The following RNF169 variants were observed in gnomAD, a reference collection of about 807,000 sequenced individuals.
RNF169 encodes ring finger protein 169, also known as E3 ubiquitin-protein ligase RNF169.
In RNF169, 24 loss-of-function variants were observed where a neutral mutation model predicts 53.9. That is an observed-to-expected ratio of 0.45 (90% confidence interval 0.32 to 0.63). RNF169 has a LOEUF of 0.63. Among genes scored for constraint, RNF169 ranks in the 20% least tolerant of loss-of-function variants. The probability of loss-of-function intolerance (pLI) is 0.04; values close to 1 mark genes in which losing one functional copy is unlikely to be tolerated. For synonymous variants in RNF169, 396 were observed against 363.5 expected, an observed-to-expected ratio of 1.09 and a Z score of -1.02; for missense variants, 883 against 906.2, an observed-to-expected ratio of 0.97 and a Z score of 0.33.
chr11:74,830,864 C>CA (rs1480808542), intron 4 of RNF169: 3 of 152,020 alleles, frequency 2.0e-5, no homozygotes, highest in African/African-American at 7.3e-5. Flanking sequence ...AAAGGTGTTT[C>CA]AGCATACGAA....
intron 1 of RNF169, among the ~76,000 whole-genome samples, chr11:74,782,665 T>C (rs944589285): frequency 6.6e-6 from 1 of 152,234 alleles, no homozygotes; most frequent in African/African-American, 2.4e-5. Flanking sequence ...GCATCAACTC[T>C]TCTGATTACA....
chr11:74,814,805 C>G (rs1470863269), intron 3 of RNF169, among the ~76,000 whole-genome samples: 1 of 152,006 alleles, frequency 6.6e-6, no homozygotes, highest in Non-Finnish European at 1.5e-5. Flanking sequence ...TCTTAAACAC[C>G]ATTGTGATGG....
intron 1 of RNF169, among the ~76,000 whole-genome samples, chr11:74,758,524 C>T (rs1391781021): frequency 2.3e-4 from 34 of 150,096 alleles, no homozygotes; most frequent in African/African-American, 7.6e-4. Flanking sequence ...TTTTTTGAGA[C>T]GGAGTCTCGC....
intron 2 of RNF169, among the ~76,000 whole-genome samples, chr11:74,802,998 G>A (rs1020055504): frequency 1.3e-5 from 2 of 151,914 alleles, no homozygotes; most frequent in Admixed American, 6.6e-5. Flanking sequence ...TCGGCTCACC[G>A]CAAGCTCCGC....
chr11:74,751,587 C>T (rs1029545349), intron 1 of RNF169, among the ~76,000 whole-genome samples: 1 of 152,108 alleles, frequency 6.6e-6, no homozygotes, highest in African/African-American at 2.4e-5. Flanking sequence ...ATGTTTTTGT[C>T]ATAAAATTTA....
intron 2 of RNF169, among the ~76,000 whole-genome samples, chr11:74,798,345 T>G (rs2035679178): frequency 6.6e-6 from 1 of 152,220 alleles, no homozygotes; most frequent in Non-Finnish European, 1.5e-5. Flanking sequence ...GTCTCTGAAC[T>G]GGCCCCCCTG....
chr11:74,799,084 T>G (rs1591413093), intron 2 of RNF169, among the ~76,000 whole-genome samples: 1 of 17,672 alleles, frequency 5.7e-5, no homozygotes, highest in African/African-American at 3.9e-4. Context: ...AGATTTCCAG[T>G]GGTTTTTTTT....
chr11:74,764,092 CTATT>C (rs2135316354), intron 1 of RNF169, among the ~76,000 whole-genome samples: 1 of 152,308 alleles, frequency 6.6e-6, no homozygotes, highest in African/African-American at 2.4e-5. Context: ...ACACCAAAGA[CTATT>C]AAGTATAACC....
intron 1 of RNF169, among the ~76,000 whole-genome samples, chr11:74,754,431 T>A (rs1373925348): frequency 2.0e-5 from 3 of 152,196 alleles, no homozygotes; most frequent in Non-Finnish European, 4.4e-5. Context: ...CGGCTATGGG[T>A]AATGACTGAA....
intron 4 of RNF169, among the ~76,000 whole-genome samples, chr11:74,827,919 G>A (rs1302723145): frequency 1.3e-5 from 2 of 152,148 alleles, no homozygotes; most frequent in African/African-American, 4.8e-5. Flanking sequence ...TTGAAAATAG[G>A]CACAAGACAA....
In RNF169 at chr11:74,817,615, A is replaced by T; in HGVS notation, c.743A>T (p.Asp248Val). 1 of 1,612,990 alleles carries T rather than the reference A, an allele frequency of 6.2e-7. No homozygotes were observed. Among genetic ancestry groups the T allele is most frequent in the Non-Finnish European group, 8.5e-7 (1 of 1,178,948 alleles). Residue 248 changes from aspartate to valine, a missense_variant, in exon 4 of 6, where the codon GAT (aspartate) becomes GTT (valine). Asp to Val is a radical substitution (Grantham distance 152). Around this residue, in one of 3 missense-constraint regions of RNF169, gnomAD observed 219 missense variants for 289.1 expected, o/e 0.76. Transcript: ENST00000299563. ...NLERCPARLS[D>V]SENEEPSRGQ... Reference sequence around the variant, plus strand: ...TGCCAGTGTCCTGCACGTCTCTCAGATTCAGAGAATGAAGAACCTTCTCGA... The same window carrying T: ...TGCCAGTGTCCTGCACGTCTCTCAGTTTCAGAGAATGAAGAACCTTCTCGA...
chr11:74,805,492 A>G (rs1182825681), intron 2 of RNF169, among the ~76,000 whole-genome samples: 1 of 152,204 alleles, frequency 6.6e-6, no homozygotes, highest in Non-Finnish European at 1.5e-5. Flanking sequence ...TATACATTCC[A>G]TATGTGTCAT....
In RNF169 at chr11:74,836,660, C is replaced by T. The variant is rs369087935; in HGVS notation, c.2057C>T (p.Thr686Ile). 9 of 1,613,758 alleles carry T rather than the reference C, an allele frequency of 5.6e-6. No homozygotes were observed. Among genetic ancestry groups the T allele is most frequent in the African/African-American group, 2.7e-5 (2 of 74,932 alleles). Residue 686 changes from threonine to isoleucine, a missense_variant, in exon 6 of 6, where the codon ACT (threonine) becomes ATT (isoleucine). Transcript: ENST00000299563. Reference sequence around the variant, plus strand: ...CGCATGTTCGACAATGAGAGGCGGACTGTGAGCCGGCGAAAAGGAAGTGTG... The same window carrying T: ...CGCATGTTCGACAATGAGAGGCGGATTGTGAGCCGGCGAAAAGGAAGTGTG... ...LQRMFDNERR[T>I]VSRRKGSVDQ...
chr11:74,760,541 TTTATGTCTGCCTTCATTTCG>T (rs1280845375), intron 1 of RNF169, among the ~76,000 whole-genome samples: 3 of 152,164 alleles, frequency 2.0e-5, no homozygotes, highest in Non-Finnish European at 2.9e-5. Context: ...AAAGAACATC[TTTATGTCTGCCTTCATTTCG>T]TTATGTACCC....
At chr11:74,827,005 T>C (rs2036108069) in intron 4 of RNF169, among the ~76,000 whole-genome samples, 1 of 152,192 alleles carries the variant, frequency 6.6e-6, no homozygotes, top group Non-Finnish European at 1.5e-5. Context: ...AGCCCTCTTA[T>C]CACAGCTCCT....
intron 4 of RNF169, among the ~76,000 whole-genome samples, 166 bp from the exon 5 acceptor site, chr11:74,834,510 A>C (rs556481962): frequency 6.6e-6 from 1 of 152,298 alleles, no homozygotes; most frequent in South Asian, 2.1e-4. Flanking sequence ...CAGAATTTCT[A>C]TTCAGAATGT....
At chr11:74,834,315 TAAA>T (rs1291287830) in intron 4 of RNF169, among the ~76,000 whole-genome samples, 1 of 152,202 alleles carries the variant, frequency 6.6e-6, no homozygotes, top group Admixed American at 6.5e-5. Flanking sequence ...TTGGGTCTAA[TAAA>T]AAGAAAAATC....
chr11:74,765,899 A>G lies in RNF169; in HGVS notation c.502+16517A>G, dbSNP rs182790386. ...AAAGTAACAGCAGATTAACCCCAAA[A>G]GAAGTAGAAGATAGGAAAGAATAAA... is the stretch of plus-strand genomic sequence containing the variant. On this transcript the variant is annotated intron_variant, in intron 1 of 5. Transcript: ENST00000299563. Among the ~76,000 whole-genome samples, 20 of 152,220 alleles carry G rather than the reference A, an allele frequency of 1.3e-4. No individual in the cohort carries two copies. In the East Asian group the frequency reaches 3.8e-3, roughly 29 times the overall value.
intron 1 of RNF169, among the ~76,000 whole-genome samples, chr11:74,775,016 T>C (rs753208512): frequency 2.0e-5 from 3 of 152,152 alleles, no homozygotes; most frequent in African/African-American, 4.8e-5. Context: ...GAATATAACA[T>C]TTAGACAATT....
Sources: gnomAD v4.1 joint callset for allele counts (sites outside exome capture counted in the v4.1 genomes callset) on GRCh38, gnomAD v4.1.1 for gene constraint, gnomAD v4.1.1 regional missense constraint, MANE v1.5 for transcripts, NCBI Gene and HGNC (gene_info 2026-07-23, HGNC 2026-07-21) for gene names.